Variants in TGIF1 observed in about 807,000 individuals in gnomAD.
TGIF1 encodes TGFB induced factor homeobox 1.
TGIF1 carries 4 observed loss-of-function variants against 19.3 expected under a neutral mutation model. The observed-to-expected ratio is 0.21, with a 90% CI of 0.10 to 0.47. The LOEUF (loss-of-function observed/expected upper bound fraction) is 0.47. Ranked by LOEUF, TGIF1 falls within the 20% of genes least tolerant of loss-of-function variation. The pLI is 0.98. For missense variants in TGIF1, 275 were observed against 341.4 expected (o/e 0.81, Z 1.53); for synonymous variants, 122 against 129.3 (o/e 0.94, Z 0.38).
rs2082910059 is a variant in TGIF1 at position 3,451,091 on chromosome 18, C to CA, written c.16+587dup. Reference sequence around the variant, plus strand: ...CCCCCTCATCGCCCTCGGGTGTAAACAGCTTTGGAAAGCTAGACTTTTACA... The same window carrying CA: ...CCCCCTCATCGCCCTCGGGTGTAAACAAGCTTTGGAAAGCTAGACTTTTACA... On this transcript the variant is annotated intron_variant, in intron 1 of 2. Coordinates refer to ENST00000343820, the MANE Select transcript of TGIF1 (RefSeq NM_003244.4). The surrounding 1 kb of genome is among the most constrained non-coding windows in gnomAD (Gnocchi z 5.4). Among the ~76,000 whole-genome samples the CA allele has an allele frequency of 6.6e-6, 1 of 151,722 alleles. No homozygotes were observed. The highest frequency in any genetic ancestry group is 1.5e-5 in the Non-Finnish European group (1 of 67,976).
At chr18:3,435,745 G>A (rs546496280) in intron 2 of TGIF1, among the ~76,000 whole-genome samples, 9 of 152,236 alleles carry the variant, frequency 5.9e-5, no homozygotes, top group South Asian at 2.1e-4. Flanking sequence ...CAGAATGTAC[G>A]CATTTTCAAA....
chr18:3,434,690 G>C (rs552585958), intron 2 of TGIF1, among the ~76,000 whole-genome samples: 1 of 152,346 alleles, frequency 6.6e-6, no homozygotes, highest in South Asian at 2.1e-4. Context: ...ACTCCAGTCT[G>C]GGCGACAGAG....
chr18:3,436,156 G>C (rs1170558726), intron 2 of TGIF1, among the ~76,000 whole-genome samples: 1 of 152,164 alleles, frequency 6.6e-6, no homozygotes, highest in Non-Finnish European at 1.5e-5. Context: ...CACATAGTGA[G>C]CCCTCAGGAA....
upstream of TGIF1, among the ~76,000 whole-genome samples, chr18:3,445,722 T>TAAA: frequency 4.0e-4 from 1 of 2,530 alleles, no homozygotes; most frequent in Non-Finnish European, 7.0e-4. Context: ...AGACTCTGTC[T>TAAA]CAAAAAAAAA....
intron 2 of TGIF1, among the ~76,000 whole-genome samples, chr18:3,435,248 A>G (rs1416737489): frequency 6.6e-6 from 1 of 151,314 alleles, no homozygotes. Flanking sequence ...GCTGGAGTGC[A>G]GTGGTGTGAT....
In TGIF1 at chr18:3,457,639, T is replaced by C. The variant is rs1598914097; in HGVS notation, c.518T>C (p.Ile173Thr). 6.2e-7 allele frequency: 1 copy of C among 1,614,244 alleles called. No individual in the cohort carries two copies. The highest frequency in any genetic ancestry group is 2.2e-5 in the East Asian group (1 of 44,886). Reference sequence around the variant, plus strand: ...TCAGTTTTGGCTCGTCCATCAGTGATCTGCCATACCACTGTGACTGCATTG... The same window carrying C: ...TCAGTTTTGGCTCGTCCATCAGTGACCTGCCATACCACTGTGACTGCATTG... ...PGSVLARPSVICHTTVTALKD... is the reference protein window; with the variant it reads ...PGSVLARPSVTCHTTVTALKD... Residue 173 changes from isoleucine (I) to threonine (T), a missense_variant, in exon 3 of 3, where the codon ATC becomes ACC. By Grantham distance (89) the Ile-to-Thr change is moderately conservative. Transcript: ENST00000343820. The surrounding 1 kb of genome is among the most constrained non-coding windows in gnomAD (Gnocchi z 4.9).
intron 1 of TGIF1, among the ~76,000 whole-genome samples, chr18:3,413,263 G>T (rs1250595373): frequency 6.6e-6 from 1 of 152,134 alleles, no homozygotes; most frequent in Non-Finnish European, 1.5e-5. Context: ...TAAAGGATGG[G>T]AACATGGCTT....
At chr18:3,440,589 C>T (rs560370621) in intron 2 of TGIF1, among the ~76,000 whole-genome samples, 6 of 152,252 alleles carry the variant, frequency 3.9e-5, no homozygotes, top group African/African-American at 4.8e-5. Flanking sequence ...TACCACTTTC[C>T]GCCCCGATTA....
At chr18:3,450,945 G>A (rs555568290) in intron 1 of TGIF1, among the ~76,000 whole-genome samples, 1 of 151,928 alleles carries the variant, frequency 6.6e-6, no homozygotes, top group Non-Finnish European at 1.5e-5. Context: ...GGCTTTGTCT[G>A]AAAGTTCCAC....
chr18:3,428,607 C>T (rs566895688), intron 2 of TGIF1, among the ~76,000 whole-genome samples: 3 of 152,040 alleles, frequency 2.0e-5, no homozygotes, highest in South Asian at 2.1e-4. Flanking sequence ...CATGGTGGCA[C>T]GCGCCTGTAG....
intron 2 of TGIF1, among the ~76,000 whole-genome samples, chr18:3,427,232 C>T (rs1036310419): frequency 1.8e-4 from 27 of 152,260 alleles, no homozygotes; most frequent in African/African-American, 5.8e-4. Flanking sequence ...GCGTGAGCCA[C>T]CGCGCCCAGC....
At chr18:3,447,754 C>T, upstream of TGIF1, 5 of 1,614,154 alleles carry the variant, frequency 3.1e-6, no homozygotes, top group Non-Finnish European at 4.2e-6. Context: ...CTTGCTCGGG[C>T]AAAAGTTGTG....
chr18:3,421,619 C>T (rs1233392399), intron 2 of TGIF1, among the ~76,000 whole-genome samples: 1 of 151,708 alleles, frequency 6.6e-6, no homozygotes, highest in Non-Finnish European at 1.5e-5. Flanking sequence ...TCCATACTGG[C>T]CAGGCTGATC....
Position 3,450,400 on chromosome 18 carries a change from T to C in TGIF1, c.-90T>C. The C allele has an allele frequency of 1.3e-6, 2 of 1,547,876 alleles. No homozygotes were observed. The highest frequency in any genetic ancestry group is 1.2e-5 in the South Asian group (1 of 83,842). On this transcript the variant is annotated 5_prime_UTR_variant, in exon 1 of 3. Coordinates refer to ENST00000343820, the MANE Select transcript of TGIF1 (RefSeq NM_003244.4). ...TCCTACAAGTTACGGGAGAGTCGGC[T>C]GTGAAGGAGACGTTCGCTTATCCCC...
At chr18:3,447,302 A>G (rs955528568), upstream of TGIF1, among the ~76,000 whole-genome samples, 1 of 151,856 alleles carries the variant, frequency 6.6e-6, no homozygotes, top group African/African-American at 2.4e-5. Flanking sequence ...CATATGAATC[A>G]GCAAATAATA....
intron 2 of TGIF1, among the ~76,000 whole-genome samples, chr18:3,438,596 A>ACACACACACACACAC (rs1555647866): frequency 7.1e-4 from 97 of 136,082 alleles, no homozygotes; most frequent in Admixed American, 1.0e-3. Context: ...CATACACACA[A>ACACACACACACACAC]ACACACACAC....
At chr18:3,415,593 C>T in intron 1 of TGIF1, 1 of 232,244 alleles carries the variant, frequency 4.3e-6, no homozygotes, top group Non-Finnish European at 9.3e-6. Context: ...AGGAACATGC[C>T]CAACGCCTTT....
chr18:3,432,014 G>A (rs2082553125), intron 2 of TGIF1, among the ~76,000 whole-genome samples: 1 of 151,650 alleles, frequency 6.6e-6, no homozygotes, highest in Non-Finnish European at 1.5e-5. Flanking sequence ...TGTAGTCCCA[G>A]CTACTTGGGA....
At chr18:3,452,332 A>C in intron 1 of TGIF1, 1 of 1,613,228 alleles carries the variant, frequency 6.2e-7, no homozygotes, top group Non-Finnish European at 8.5e-7. Context: ...TCCCCATCCC[A>C]GGGCGCACAG....
Sources: gnomAD v4.1 joint callset for allele counts (sites outside exome capture counted in the v4.1 genomes callset) on GRCh38, gnomAD v4.1.1 for gene constraint, Gnocchi (gnomAD v3.1) non-coding constraint, MANE v1.5 for transcripts, NCBI Gene and HGNC (gene_info 2026-07-23, HGNC 2026-07-21) for gene names.